Variants in CCDC180 observed in about 807,000 individuals in gnomAD.
CCDC180 encodes the protein coiled-coil domain containing 180, also known as coiled-coil domain-containing protein 180.
A neutral mutation model predicts 209.2 loss-of-function variants in CCDC180; 154 were observed. The observed-to-expected ratio is 0.74, with a 90% confidence interval of 0.65 to 0.84. The LOEUF (loss-of-function observed/expected upper bound fraction) is 0.84, where lower values mean the gene tolerates loss of function less well. Ranked by LOEUF, CCDC180 falls within the 40% of genes least tolerant of loss-of-function variation. The probability of loss-of-function intolerance (pLI) is 0.00; values close to 1 mark genes in which losing one functional copy is unlikely to be tolerated. For missense variants in CCDC180, 1,874 were observed against 1,997.3 expected, an observed-to-expected ratio of 0.94 and a Z score of 1.18; for synonymous variants, 778 against 749.1, an observed-to-expected ratio of 1.04 and a Z score of -0.63.
In CCDC180 at chr9:97,326,687, C is replaced by T. The variant is rs771549946; in HGVS notation, c.1661+18C>T. The T allele has an allele frequency of 1.3e-5, 19 of 1,490,626 alleles. No individual in the cohort carries two copies. The highest frequency in any genetic ancestry group is 1.7e-5 in the Admixed American group (1 of 59,844). The allele number at this position is 1,490,626 out of a possible 1,614,324, so 92.3% of individuals were successfully genotyped here. On this transcript the variant is annotated intron_variant, in intron 15 of 36. Transcript: ENST00000529487. ...AAATCCAGGTAGGCCAACCAGACTC[C>T]AGAAGGCAGGAAGGGATGGTCAGGA...
Position 97,364,084 on chromosome 9 carries a change from G to A in CCDC180, c.3936G>A (p.Glu1312=). ...CGCACCCCAAGCCCAACAAAATGGAGAGAAAGTACCGGGTGCTTGGGGACA... is the reference window on the plus strand; with the variant it reads ...CGCACCCCAAGCCCAACAAAATGGAAAGAAAGTACCGGGTGCTTGGGGACA... ...FTPHPKPNKM[E]RKYRVLGDKP... Residue 1312 remains glutamate, a synonymous_variant, in exon 29 of 37, where the codon GAG becomes GAA. Transcript: ENST00000529487. 6.2e-7 allele frequency: 1 copy of A among 1,614,168 alleles called. No homozygotes were observed. The highest frequency in any genetic ancestry group is 8.5e-7 in the Non-Finnish European group (1 of 1,180,026).
intron 30 of CCDC180, 95 bp downstream of exon 30, chr9:97,365,834 G>A: frequency 2.8e-6 from 3 of 1,089,702 alleles, no homozygotes; most frequent in Admixed American, 3.9e-5. Context: ...AAATGAGGAA[G>A]AGAGGATTCC....
intron 20 of CCDC180, among the ~76,000 whole-genome samples, chr9:97,348,722 G>A (rs143568309): frequency 0.015 from 2,238 of 152,238 alleles, 25 homozygotes; most frequent in Non-Finnish European, 0.019. Context: ...ATAAGTATCC[G>A]CTGATGTTAA....
At chr9:97,324,391 A>T (rs1466282494) in intron 13 of CCDC180, among the ~76,000 whole-genome samples, 4 of 152,214 alleles carry the variant, frequency 2.6e-5, no homozygotes, top group African/African-American at 9.7e-5. Flanking sequence ...ATTGATGGAC[A>T]CTGAAATTGG....
intron 18 of CCDC180, among the ~76,000 whole-genome samples, chr9:97,341,345 G>A (rs899472644): frequency 9.2e-5 from 14 of 152,138 alleles, no homozygotes; most frequent in African/African-American, 3.4e-4. Flanking sequence ...CACGGGGAGA[G>A]ACCCACCGAC....
At position 97,327,923 on chromosome 9, in the gene CCDC180, T is replaced by C. The variant is rs983179329; in HGVS notation, c.1662-97T>C. The C allele has an allele frequency of 5.2e-6, 7 of 1,348,708 alleles. No individual in the cohort carries two copies. In the African/African-American group the frequency reaches 8.8e-5, roughly 17 times the overall value. 83.5% of individuals were successfully genotyped at this position (1,348,708 alleles called of 1,614,324 possible). On this transcript the variant is annotated intron_variant, in intron 15 of 36. Transcript: ENST00000529487. ...TATAAAAGAGCAGCCACACAGCAGCTCTACACAGAGTTGTGTGCCAGATTG... is the reference window on the plus strand; with the variant it reads ...TATAAAAGAGCAGCCACACAGCAGCCCTACACAGAGTTGTGTGCCAGATTG...
chr9:97,318,863 A>G (rs931958505), intron 10 of CCDC180, among the ~76,000 whole-genome samples: 3 of 152,210 alleles, frequency 2.0e-5, no homozygotes, highest in African/African-American at 7.2e-5. Context: ...GCACGCAGGA[A>G]CTGTGGCCAG....
chr9:97,349,270 T>C lies in CCDC180; in HGVS notation c.2834T>C (p.Leu945Ser). The part of the protein sequence containing the change: ...LKIYDMEHIF[L>S]NATRSQKLVT... ...ATCTATGACATGGAGCACATCTTCT[T>C]GAATGCCACCAGGAGCCAAAAGTAA... The change falls in exon 21 of 37, where the codon TTG becomes TCG. Residue 945 changes from leucine to serine, a missense_variant. Physicochemically the swap from Leu to Ser is moderately radical, Grantham distance 145 (BLOSUM62 -2). Coordinates refer to ENST00000529487, the MANE Select transcript of CCDC180 (RefSeq NM_020893.6). The C allele has an allele frequency of 6.5e-7, 1 of 1,536,578 alleles. No homozygotes were observed. Among genetic ancestry groups the C allele is most frequent in the Non-Finnish European group, 8.7e-7 (1 of 1,147,008 alleles).
intron 27 of CCDC180, 48 bp downstream of exon 27, chr9:97,361,946 G>T: frequency 3.8e-6 from 6 of 1,589,210 alleles, no homozygotes; most frequent in Non-Finnish European, 5.1e-6. Flanking sequence ...CCTGCCCCTG[G>T]CCCTGGACCT....
chr9:97,371,631 A>G lies in CCDC180; in HGVS notation c.4525A>G (p.Asn1509Asp). The change falls in exon 34 of 37, where the codon AAC becomes GAC. Residue 1509 changes from asparagine (N) to aspartate (D), a missense_variant. Transcript: ENST00000529487. ...TRRNGQVFIT[N>D]LATFTEKFLL... Reference sequence around the variant, plus strand: ...AAGGAATGGCCAGGTTTTCATAACCAACTTGGCCACCTTCACCGAGAAGTT... The same window carrying G: ...AAGGAATGGCCAGGTTTTCATAACCGACTTGGCCACCTTCACCGAGAAGTT... The G allele has an allele frequency of 6.2e-7, 1 of 1,608,584 alleles. No individual in the cohort carries two copies. Among genetic ancestry groups the G allele is most frequent in the East Asian group, 2.2e-5 (1 of 44,702 alleles).
intron 34 of CCDC180, chr9:97,371,941 G>A (rs1040009183): frequency 2.5e-5 from 8 of 324,348 alleles, no homozygotes; most frequent in Admixed American, 1.8e-4. Flanking sequence ...CATACTCTTG[G>A]GGTTAGGGAT....
At chr9:97,363,189 G>A (rs558465359) in intron 28 of CCDC180, among the ~76,000 whole-genome samples, 238 of 152,354 alleles carry the variant, frequency 1.6e-3, no homozygotes, top group Non-Finnish European at 2.7e-3. Context: ...GATTGGTTAC[G>A]GGACATGTTT....
intron 2 of CCDC180, among the ~76,000 whole-genome samples, chr9:97,309,212 C>T (rs551404157): frequency 6.6e-6 from 1 of 152,154 alleles, no homozygotes; most frequent in Non-Finnish European, 1.5e-5. Context: ...TAGAAAGAGG[C>T]CTTCTTTGAA....
At chr9:97,325,748 G>A (rs1029877393) in intron 14 of CCDC180, among the ~76,000 whole-genome samples, 3 of 152,200 alleles carry the variant, frequency 2.0e-5, no homozygotes, top group Admixed American at 1.3e-4. Flanking sequence ...AAGCCAGAGG[G>A]TAGTGCCGGT....
In CCDC180 at chr9:97,309,446, G is replaced by GAAGC; in HGVS notation, c.103_106dup (p.Arg36GlnfsTer25). The GAAGC allele has an allele frequency of 1.2e-6, 2 of 1,600,952 alleles. No homozygotes were observed. The highest frequency in any genetic ancestry group is 2.7e-5 in the African/African-American group (2 of 74,120). On this transcript the variant is annotated frameshift_variant, in exon 3 of 37. Transcript: ENST00000529487. LOFTEE classifies it high-confidence loss of function. The stretch of plus-strand genomic sequence containing the variant: ...TGGTCCACTCCCTGGCGGCCACCAG[G>GAAGC]AAGCGGGCTGCAGAGCGTTCTGTGA...
chr9:97,336,746 A>C lies in CCDC180; in HGVS notation c.2274+5979A>C, dbSNP rs181298381. Among the ~76,000 whole-genome samples the C allele has an allele frequency of 3.6e-4, 55 of 152,112 alleles. 1 individual carries two copies. In the East Asian group the frequency reaches 6.2e-3, roughly 17 times the overall value. On this transcript the variant is annotated intron_variant, in intron 18 of 36. Transcript: ENST00000529487. ...GGGATGGCATTGAATCTATAAATTA[A>C]CTTGGGCAGTATGGCCATTTTCACG...
Position 97,326,731 on chromosome 9 carries a change from G to T in CCDC180, c.1661+62G>T, listed in dbSNP as rs182155021. The T allele has an allele frequency of 7.3e-6, 8 of 1,093,856 alleles. No homozygotes were observed. The East Asian group carries it at 1.4e-4, about 19-fold the overall frequency. 67.8% of individuals were successfully genotyped at this position (1,093,856 alleles called of 1,614,324 possible). A position where few individuals can be genotyped will look rare whatever the true frequency, so the allele number is the denominator to read the frequency against. ...GTCAGGAATTCATCTTCAAGGTCAA[G>T]GGCAGCCTGCCCAAGAGCCCAGGAG... On this transcript the variant is annotated intron_variant, in intron 15 of 36. Transcript: ENST00000529487.
intron 18 of CCDC180, among the ~76,000 whole-genome samples, chr9:97,339,320 G>A (rs1425249337): frequency 6.6e-6 from 1 of 152,108 alleles, no homozygotes; most frequent in Non-Finnish European, 1.5e-5. Context: ...CCATTTTAGT[G>A]CTTCCTTCAG....
intron 5 of CCDC180, 33 bp from the exon 6 acceptor site, chr9:97,314,360 T>C: frequency 6.2e-7 from 1 of 1,613,240 alleles, no homozygotes; most frequent in South Asian, 1.1e-5. Context: ...GGGGTGCTGA[T>C]GCCTTGGCCA....
Sources: gnomAD v4.1 joint callset for allele counts (sites outside exome capture counted in the v4.1 genomes callset) on GRCh38, gnomAD v4.1.1 for gene constraint, MANE v1.5 for transcripts, NCBI Gene and HGNC (gene_info 2026-07-23, HGNC 2026-07-21) for gene names.